Variants in CPVL observed in about 807,000 individuals in gnomAD.
CPVL encodes the protein carboxypeptidase vitellogenic like, also known as probable serine carboxypeptidase CPVL.
In CPVL, 51 loss-of-function variants were observed where a neutral mutation model predicts 63.7. The ratio of observed to expected loss-of-function variants is 0.80; its 90% CI spans 0.64 to 1.01. CPVL has a LOEUF of 1.01. CPVL is among the 50% of genes least tolerant of loss of function. CPVL has a pLI of 0.00. For missense variants in CPVL, 530 were observed against 573.1 expected (o/e 0.92, Z 0.77); for synonymous variants, 195 against 206.0 (o/e 0.95, Z 0.46).
intron 5 of CPVL, among the ~76,000 whole-genome samples, chr7:29,179,637 T>G (rs543514805): frequency 6.6e-6 from 1 of 152,374 alleles, no homozygotes; most frequent in African/African-American, 2.4e-5. Context: ...CTCTGATATA[T>G]GTAAATAAAT....
At position 28,995,282 on chromosome 7, in the gene CPVL, T is replaced by G. The variant is rs1184093774; in HGVS notation, c.*490A>C. 6.5e-6 allele frequency: 1 copy of G among 153,142 alleles called. No individual in the cohort carries two copies. Among genetic ancestry groups the G allele is most frequent in the East Asian group, 1.9e-4 (1 of 5,242 alleles). 9.5% of individuals were successfully genotyped at this position (153,142 alleles called of 1,614,324 possible). A position where few individuals can be genotyped will look rare whatever the true frequency, so the allele number is the denominator to read the frequency against. On this transcript the variant is annotated 3_prime_UTR_variant, in exon 13 of 13. Coordinates refer to ENST00000265394, the MANE Select transcript of CPVL (RefSeq NM_031311.5). ...TCAAAGAATTCTTTTGTTCTAAGAC[T>G]TTATACATTTGAGAATCTTTTCCCC... is the stretch of plus-strand genomic sequence containing the variant.
At chr7:29,114,781 T>C (rs1033850024) in intron 2 of CPVL, among the ~76,000 whole-genome samples, 6 of 152,138 alleles carry the variant, frequency 3.9e-5, no homozygotes, top group Non-Finnish European at 5.9e-5. Context: ...TTCTCCTCTA[T>C]GGAAGATGTA....
At chr7:29,178,371 C>G (rs1296101631) in intron 5 of CPVL, among the ~76,000 whole-genome samples, 1 of 152,160 alleles carries the variant, frequency 6.6e-6, no homozygotes, top group Non-Finnish European at 1.5e-5. Flanking sequence ...AGCCTCTGAC[C>G]TGGTCTTCCT....
chr7:29,195,240 G>A (rs1301220408), exon 1 of CPVL: 3 of 432,448 alleles, frequency 6.9e-6, no homozygotes, highest in South Asian at 9.9e-5. Flanking sequence ...CGGGTGTTCC[G>A]GGGCTTGGAG....
At chr7:29,194,765 C>A in intron 1 of CPVL, 1 of 473,032 alleles carries the variant, frequency 2.1e-6, no homozygotes, top group Non-Finnish European at 3.5e-6. Context: ...GCGGCGGCAG[C>A]GCGTCATCTG....
chr7:29,164,306 T>C (rs1795601719), intron 5 of CPVL, among the ~76,000 whole-genome samples: 1 of 152,198 alleles, frequency 6.6e-6, no homozygotes, highest in Admixed American at 6.5e-5. Context: ...TTGTAAAATG[T>C]CTATTTGATT....
chr7:29,154,527 G>C (rs245898), intron 5 of CPVL, among the ~76,000 whole-genome samples: 64 of 152,106 alleles, frequency 4.2e-4, no homozygotes, highest in African/African-American at 1.4e-3. Context: ...ACACCTGATC[G>C]ATATTTAAAG....
chr7:29,125,248 T>C (rs904879783), intron 1 of CPVL, among the ~76,000 whole-genome samples: 1 of 152,152 alleles, frequency 6.6e-6, no homozygotes, highest in African/African-American at 2.4e-5. Context: ...ATATTAAATG[T>C]TCATGTGGTC....
At chr7:29,049,926 A>T (rs1263088685) in intron 11 of CPVL, among the ~76,000 whole-genome samples, 1 of 152,232 alleles carries the variant, frequency 6.6e-6, no homozygotes, top group East Asian at 1.9e-4. Flanking sequence ...TCACATGATC[A>T]TCTCAACAGA....
At chr7:29,063,952 C>T in intron 11 of CPVL, 109 bp downstream of exon 11, 2 of 683,102 alleles carry the variant, frequency 2.9e-6, no homozygotes, top group Non-Finnish European at 2.5e-6. Flanking sequence ...ATGCTAATGA[C>T]ACATCATAAA....
At chr7:29,070,435 T>C (rs1259218986) in intron 9 of CPVL, among the ~76,000 whole-genome samples, 1 of 152,228 alleles carries the variant, frequency 6.6e-6, no homozygotes. Context: ...TGCAAATTGG[T>C]CTCATGCCAC....
At chr7:29,195,418 C>A (rs561915869), upstream of CPVL, 78 of 186,722 alleles carry the variant, frequency 4.2e-4, no homozygotes, top group African/African-American at 1.8e-3. Context: ...GGGGAGCAAA[C>A]CCTCGCTCCT....
chr7:29,083,885 T>C (rs1341390882), intron 7 of CPVL, among the ~76,000 whole-genome samples: 1 of 152,184 alleles, frequency 6.6e-6, no homozygotes, highest in Admixed American at 6.5e-5. Flanking sequence ...TACTGGTACC[T>C]TTCCTGGGGC....
At chr7:29,002,076 A>AT (rs1463271538) in intron 12 of CPVL, among the ~76,000 whole-genome samples, 1 of 152,228 alleles carries the variant, frequency 6.6e-6, no homozygotes, top group Non-Finnish European at 1.5e-5. Flanking sequence ...CCTTTGGGAA[A>AT]TTCACCAATT....
At chr7:29,139,068 A>G (rs963796887) in intron 1 of CPVL, among the ~76,000 whole-genome samples, 3 of 152,222 alleles carry the variant, frequency 2.0e-5, no homozygotes, top group African/African-American at 7.2e-5. Context: ...GAGAAAAGGT[A>G]GAAGGAGACT....
intron 9 of CPVL, among the ~76,000 whole-genome samples, chr7:29,068,546 T>C (rs911139936): frequency 2.6e-5 from 4 of 152,146 alleles, no homozygotes; most frequent in South Asian, 4.1e-4. Context: ...GCCAAAGTTC[T>C]GCTCGCTGAG....
At chr7:29,147,954 C>T (rs564802155), upstream of CPVL, among the ~76,000 whole-genome samples, 6 of 152,156 alleles carry the variant, frequency 3.9e-5, no homozygotes, top group Non-Finnish European at 7.4e-5. Context: ...GAGGCGATTT[C>T]CAGTTCCTGG....
At chr7:29,140,760 G>A (rs1791784470) in intron 1 of CPVL, among the ~76,000 whole-genome samples, 2 of 152,146 alleles carry the variant, frequency 1.3e-5, no homozygotes, top group South Asian at 4.1e-4. Flanking sequence ...CCCCAGGGAA[G>A]GAAAATAAGA....
chr7:29,072,874 GA>G (rs1432071084), intron 7 of CPVL, among the ~76,000 whole-genome samples: 2 of 152,136 alleles, frequency 1.3e-5, no homozygotes, highest in African/African-American at 4.8e-5. Context: ...AGCAGAAAAG[GA>G]AAATAATATT....
Sources: allele counts gnomAD v4.1 joint callset (sites outside exome capture counted in the v4.1 genomes callset), GRCh38; gene constraint gnomAD v4.1.1; transcripts MANE v1.5; gene names NCBI Gene and HGNC (gene_info 2026-07-23, HGNC 2026-07-21).